NRXN1: variants seen among roughly 807,000 people sequenced by gnomAD.
NRXN1 encodes the protein neurexin-1.
NRXN1 carries 39 observed loss-of-function variants against 150.9 expected under a neutral mutation model. The observed-to-expected ratio is 0.26, with a 90% confidence interval of 0.20 to 0.34. The LOEUF is 0.34. Among genes scored for constraint, NRXN1 ranks in the 10% least tolerant of loss-of-function variants. The probability of loss-of-function intolerance (pLI) is 1.00; values close to 1 mark genes in which losing one functional copy is unlikely to be tolerated. For synonymous variants in NRXN1, 924 were observed against 757.0 expected (o/e 1.22, Z -3.62); for missense variants, 1,815 against 1,949.9 (o/e 0.93, Z 1.30).
chr2:50,203,689 T>A lies in NRXN1; in HGVS notation c.3546+33100A>T, dbSNP rs1216713462. ...AGGTTAACTCTGTGTCTCAGCTTTGTGGGCAGAAGAAAAGAGAAGACATAT... is the reference window on the plus strand; with the variant it reads ...AGGTTAACTCTGTGTCTCAGCTTTGAGGGCAGAAGAAAAGAGAAGACATAT... On this transcript the variant is annotated intron_variant, in intron 18 of 22. Coordinates refer to ENST00000401669, the MANE Select transcript of NRXN1 (RefSeq NM_001330078.2). Among the ~76,000 whole-genome samples, 5 of 152,286 alleles carry A rather than the reference T, an allele frequency of 3.3e-5. No individual in the cohort carries two copies. The East Asian group carries it at 9.6e-4, about 29-fold the overall frequency.
intron 17 of NRXN1, among the ~76,000 whole-genome samples, chr2:50,263,793 T>A (rs2068557892): frequency 6.6e-6 from 1 of 152,110 alleles, no homozygotes; most frequent in Non-Finnish European, 1.5e-5. Flanking sequence ...AACACGCCTG[T>A]TTAGAGGGTG....
chr2:50,959,352 C>T (rs1692780726), intron 2 of NRXN1, among the ~76,000 whole-genome samples: 1 of 151,868 alleles, frequency 6.6e-6, no homozygotes, highest in African/African-American at 2.4e-5. Flanking sequence ...ATGGAAACAA[C>T]CCAAATATCC....
chr2:50,927,050 TA>T (rs1574952394), intron 2 of NRXN1, among the ~76,000 whole-genome samples: 1 of 151,970 alleles, frequency 6.6e-6, no homozygotes, highest in African/African-American at 2.4e-5. Flanking sequence ...GTTCTAATAG[TA>T]AACTCTACCC....
chr2:50,034,908 T>C (rs1689787635), intron 21 of NRXN1, among the ~76,000 whole-genome samples: 1 of 152,076 alleles, frequency 6.6e-6, no homozygotes, highest in South Asian at 2.1e-4. Flanking sequence ...TTAGCAGAGG[T>C]GATTGGCCCA....
At chr2:50,957,231 T>C (rs1558488914) in intron 2 of NRXN1, among the ~76,000 whole-genome samples, 1 of 152,136 alleles carries the variant, frequency 6.6e-6, no homozygotes, top group Non-Finnish European at 1.5e-5. Context: ...AAGATAAACC[T>C]GGTTTCAAAT....
chr2:50,070,584 A>C lies in NRXN1; in HGVS notation c.3719-15540T>G, dbSNP rs983098612. On this transcript the variant is annotated intron_variant, in intron 19 of 22. Transcript: ENST00000401669. ...AGGAGATCGAGACCATCCCGGCTAA[A>C]ACGGTGAAACCCCGTCTCTACTAAA... Among the ~76,000 whole-genome samples the C allele has an allele frequency of 2.6e-5, 4 of 151,678 alleles. 1 individual carries two copies.
At chr2:50,765,214 T>G (rs925018847) in intron 5 of NRXN1, among the ~76,000 whole-genome samples, 1 of 152,010 alleles carries the variant, frequency 6.6e-6, no homozygotes, top group Non-Finnish European at 1.5e-5. Context: ...CCTGTTCTAG[T>G]ACGCTTTACC....
rs554083657 is a variant in NRXN1 at position 50,951,605 on chromosome 2, A to C, written c.773-25650T>G. Among the ~76,000 whole-genome samples the C allele has an allele frequency of 3.0e-4, 46 of 152,210 alleles. 1 individual carries two copies. The South Asian group carries it at 8.5e-3, about 28-fold the overall frequency. On this transcript the variant is annotated intron_variant, in intron 2 of 22. Coordinates refer to ENST00000401669, the MANE Select transcript of NRXN1 (RefSeq NM_001330078.2). ...CCAAGAATTCCTCACTATTTCAAAA[A>C]AAAATGTCACCAACTGTAACATCTC...
chr2:50,444,210 T>C (rs1235030500), intron 17 of NRXN1, among the ~76,000 whole-genome samples: 2 of 152,182 alleles, frequency 1.3e-5, no homozygotes, highest in Non-Finnish European at 2.9e-5. Flanking sequence ...TCAAAGACAT[T>C]TAATTTTAGC....
chr2:50,701,938 C>T (rs1693798599), intron 5 of NRXN1, among the ~76,000 whole-genome samples: 1 of 152,026 alleles, frequency 6.6e-6, no homozygotes, highest in African/African-American at 2.4e-5. Flanking sequence ...TCCATTGTTG[C>T]TTTTTCGTAT....
intron 8 of NRXN1, among the ~76,000 whole-genome samples, chr2:50,571,108 G>C (rs753436546): frequency 6.6e-6 from 1 of 152,128 alleles, no homozygotes; most frequent in Admixed American, 6.6e-5. Context: ...ACTGGCCATG[G>C]CTTTAGCTAT....
intron 19 of NRXN1, among the ~76,000 whole-genome samples, chr2:50,060,117 C>T (rs1694292970): frequency 6.6e-6 from 1 of 152,136 alleles, no homozygotes; most frequent in Non-Finnish European, 1.5e-5. Context: ...CACTTAACAT[C>T]AGCCCATGAA....
In NRXN1 at chr2:50,169,904, T is replaced by C. The variant is rs180718290; in HGVS notation, c.3546+66885A>G. ...AGAGATAATATAAAAATCAAGGAGA[T>C]GGCACTGGAGAGGTGAACTAGGAGA... On this transcript the variant is annotated intron_variant, in intron 18 of 22. Coordinates refer to ENST00000401669, the MANE Select transcript of NRXN1 (RefSeq NM_001330078.2). 1.4e-4 allele frequency among the ~76,000 whole-genome samples: 21 copies of C among 151,980 alleles called. No homozygotes were observed. In the East Asian group the frequency reaches 3.3e-3, roughly 24 times the overall value.
intron 13 of NRXN1, among the ~76,000 whole-genome samples, chr2:50,502,085 A>G (rs1266373809): frequency 6.6e-6 from 1 of 152,148 alleles, no homozygotes; most frequent in Non-Finnish European, 1.5e-5. Context: ...CTCAATCTAA[A>G]GCTTTCATTG....
At chr2:49,973,947 G>C (rs1170880741) in intron 21 of NRXN1, 2 of 716,724 alleles carry the variant, frequency 2.8e-6, no homozygotes, top group Non-Finnish European at 5.2e-6. Context: ...GCTCAGCAGC[G>C]GCTGTGACAG....
chr2:50,627,394 T>TGTGTGTGC (rs1553903148), intron 5 of NRXN1, among the ~76,000 whole-genome samples: 3 of 115,792 alleles, frequency 2.6e-5, no homozygotes, highest in Non-Finnish European at 4.1e-5. Context: ...TGTGTGTGTG[T>TGTGTGTGC]GCGCATACTA....
intron 2 of NRXN1, among the ~76,000 whole-genome samples, chr2:50,930,218 G>A (rs754969908): frequency 1.8e-4 from 28 of 151,882 alleles, no homozygotes; most frequent in Non-Finnish European, 3.4e-4. Flanking sequence ...TTCACTGCTC[G>A]GGAATAAAAA....
At chr2:50,160,677 GATTAAGGACTTCCCAA>G (rs1376309484) in intron 18 of NRXN1, among the ~76,000 whole-genome samples, 4 of 152,080 alleles carry the variant, frequency 2.6e-5, no homozygotes, top group Non-Finnish European at 5.9e-5. Flanking sequence ...GACTCAAGTG[GATTAAGGACTTCCCAA>G]AGTATTCTTA....
At chr2:50,276,923 T>C (rs1375505340) in intron 17 of NRXN1, among the ~76,000 whole-genome samples, 2 of 152,280 alleles carry the variant, frequency 1.3e-5, no homozygotes, top group African/African-American at 2.4e-5. Context: ...CAATCCAATA[T>C]AGTCTTACTT....
Sources: gnomAD v4.1 joint callset for allele counts (sites outside exome capture counted in the v4.1 genomes callset) on GRCh38, gnomAD v4.1.1 for gene constraint, MANE v1.5 for transcripts, NCBI Gene and HGNC (gene_info 2026-07-23, HGNC 2026-07-21) for gene names.